The following PPIG variants were observed in gnomAD, a reference collection of about 807,000 sequenced individuals.
PPIG encodes the protein peptidylprolyl isomerase G.
PPIG carries 26 observed loss-of-function variants against 87.9 expected under a neutral mutation model. That is an observed-to-expected ratio of 0.30 (90% CI 0.22 to 0.41). The LOEUF (loss-of-function observed/expected upper bound fraction) is 0.41, where lower values mean the gene tolerates loss of function less well. Ranked by LOEUF, PPIG falls within the 10% of genes least tolerant of loss-of-function variation. The pLI is 1.00. For missense variants in PPIG, 722 were observed against 879.4 expected (o/e 0.82, Z 2.26); for synonymous variants, 308 against 276.5 (o/e 1.11, Z -1.13).
chr2:169,596,955 G>A (rs528639794), intron 1 of PPIG, among the ~76,000 whole-genome samples: 33 of 152,174 alleles, frequency 2.2e-4, no homozygotes, highest in African/African-American at 2.9e-4. Context: ...GCCCACCTTC[G>A]CCTCCCAAAG....
chr2:169,587,024 C>T (rs1193257055), intron 1 of PPIG, among the ~76,000 whole-genome samples: 1 of 152,138 alleles, frequency 6.6e-6, no homozygotes, highest in Non-Finnish European at 1.5e-5. Context: ...ACCTCCACCT[C>T]CTGAGCTCAA....
intron 9 of PPIG, among the ~76,000 whole-genome samples, chr2:169,626,343 T>C (rs1189864643): frequency 6.6e-6 from 1 of 152,132 alleles, no homozygotes; most frequent in African/African-American, 2.4e-5. Context: ...AGCAGACTTA[T>C]ACAAAAAGGA....
At chr2:169,615,408 T>C (rs552599562) in intron 9 of PPIG, among the ~76,000 whole-genome samples, 2 of 152,350 alleles carry the variant, frequency 1.3e-5, no homozygotes, top group East Asian at 3.9e-4. Flanking sequence ...TACAGTAGAA[T>C]TCTTGAACTC....
chr2:169,607,292 A>T (rs1685359833), intron 6 of PPIG, 144 bp downstream of exon 6: 6 of 490,392 alleles, frequency 1.2e-5, no homozygotes, highest in Admixed American at 7.4e-5. Context: ...ATTTTCTGGT[A>T]AAAAAAATTG....
Position 169,638,089 on chromosome 2 carries a change from C to A in PPIG, c.*566C>A, listed in dbSNP as rs1378342718. The A allele has an allele frequency of 1.3e-5, 2 of 152,002 alleles. No individual in the cohort carries two copies. Among genetic ancestry groups the A allele is most frequent in the South Asian group, 4.1e-4 (2 of 4,820 alleles). The allele number at this position is 152,002 out of a possible 1,614,324, so 9.4% of individuals were successfully genotyped here. A position where few individuals can be genotyped will look rare whatever the true frequency, so the allele number is the denominator to read the frequency against. On this transcript the variant is annotated 3_prime_UTR_variant, in exon 14 of 14. Transcript: ENST00000260970. ...TTTATATTGCACTTCATACTCTATT[C>A]TTTATAGTTCGAGCCATAGCTTGTT...
At chr2:169,614,371 T>C in intron 7 of PPIG, 93 bp from the exon 8 acceptor site, 1 of 1,179,232 alleles carries the variant, frequency 8.5e-7, no homozygotes, top group Non-Finnish European at 1.2e-6. Context: ...CAACTTTGTT[T>C]CCAATACAGT....
chr2:169,611,551 A>G (rs751900873), intron 7 of PPIG, among the ~76,000 whole-genome samples: 7 of 152,208 alleles, frequency 4.6e-5, no homozygotes, highest in Non-Finnish European at 7.3e-5. Flanking sequence ...AAGTTTACTT[A>G]ATGAACTATT....
At chr2:169,622,729 T>C (rs1471888335) in intron 9 of PPIG, among the ~76,000 whole-genome samples, 3 of 152,224 alleles carry the variant, frequency 2.0e-5, no homozygotes, top group South Asian at 4.1e-4. Context: ...TGGGCCCCTG[T>C]TATTCCATAA....
chr2:169,634,190 A>G (rs991742816), intron 12 of PPIG, among the ~76,000 whole-genome samples: 1 of 152,030 alleles, frequency 6.6e-6, no homozygotes, highest in Non-Finnish European at 1.5e-5. Flanking sequence ...CCTCCCAAGT[A>G]GCTGGGACTA....
In PPIG at chr2:169,636,104, C is replaced by A; in HGVS notation, c.1030C>A (p.Pro344Thr). Residue 344 changes from proline (P) to threonine (T), a missense_variant, in exon 13 of 14, where the codon CCT becomes ACT. Coordinates refer to ENST00000260970, the MANE Select transcript of PPIG (RefSeq NM_004792.3). Reference protein sequence around the residue: ...KGRGPRRYRTPSRSRSRDRFR... With the variant: ...KGRGPRRYRTTSRSRSRDRFR... ...TAATTTTCTTTAGCGTTATCGAACTCCTTCCAGATCCAGATCAAGGGATCG... is the reference window on the plus strand; with the variant it reads ...TAATTTTCTTTAGCGTTATCGAACTACTTCCAGATCCAGATCAAGGGATCG... The A allele has an allele frequency of 6.2e-7, 1 of 1,601,384 alleles. No homozygotes were observed. Among genetic ancestry groups the A allele is most frequent in the South Asian group, 1.1e-5 (1 of 88,962 alleles).
chr2:169,598,319 C>T (rs1002081005), intron 1 of PPIG, among the ~76,000 whole-genome samples: 7 of 151,962 alleles, frequency 4.6e-5, no homozygotes, highest in Admixed American at 1.3e-4. Flanking sequence ...GAGAGGTAGT[C>T]TTGCTCTGTC....
intron 9 of PPIG, among the ~76,000 whole-genome samples, chr2:169,620,873 C>A (rs1202082829): frequency 6.6e-6 from 1 of 152,004 alleles, no homozygotes; most frequent in African/African-American, 2.4e-5. Context: ...AGTAGTAAAA[C>A]CTTAAACTGA....
intron 9 of PPIG, among the ~76,000 whole-genome samples, chr2:169,629,993 G>A (rs1376708650): frequency 2.0e-5 from 3 of 152,036 alleles, no homozygotes; most frequent in Non-Finnish European, 4.4e-5. Context: ...TTTGGCCCCA[G>A]TTAGCCTCTT....
chr2:169,614,111 T>G (rs1489683226), intron 7 of PPIG, among the ~76,000 whole-genome samples: 2 of 152,260 alleles, frequency 1.3e-5, no homozygotes, highest in African/African-American at 4.8e-5. Context: ...AATTTTGATA[T>G]GTCTACATGT....
chr2:169,606,771 T>C (rs1057367778), intron 5 of PPIG, among the ~76,000 whole-genome samples: 11 of 152,042 alleles, frequency 7.2e-5, no homozygotes, highest in African/African-American at 2.7e-4. Context: ...TTTTACTTTT[T>C]TATTGTAAAA....
intron 1 of PPIG, among the ~76,000 whole-genome samples, chr2:169,586,742 TTTAG>T (rs543723607): frequency 0.01 from 1,540 of 152,326 alleles, 27 homozygotes; most frequent in African/African-American, 0.036. Context: ...TAGTTGCCCC[TTTAG>T]TTAGGCTTTT....
At chr2:169,604,332 T>TGG in intron 4 of PPIG, 71 bp downstream of exon 4, 1 of 777,554 alleles carries the variant, frequency 1.3e-6, no homozygotes, top group Non-Finnish European at 1.9e-6. Context: ...GCTTGGTTTT[T>TGG]TTTTTTTTTT....
At chr2:169,608,357 T>A (rs1685388641) in intron 6 of PPIG, among the ~76,000 whole-genome samples, 1 of 151,764 alleles carries the variant, frequency 6.6e-6, no homozygotes, top group African/African-American at 2.4e-5. Flanking sequence ...GGCGTGGTGA[T>A]GGGCGCCTGT....
chr2:169,592,550 C>A (rs932356317), intron 1 of PPIG, among the ~76,000 whole-genome samples: 1 of 151,996 alleles, frequency 6.6e-6, no homozygotes, highest in Non-Finnish European at 1.5e-5. Context: ...GTGATCCGCA[C>A]GCCTCGGCCT....
Sources: allele counts gnomAD v4.1 joint callset (sites outside exome capture counted in the v4.1 genomes callset), GRCh38; gene constraint gnomAD v4.1.1; transcripts MANE v1.5; gene names NCBI Gene and HGNC (gene_info 2026-07-23, HGNC 2026-07-21).